LCP2: variants seen among roughly 807,000 people sequenced by gnomAD.
The protein encoded by LCP2 is lymphocyte cytosolic protein 2.
LCP2 carries 29 observed loss-of-function variants against 74.5 expected under a neutral mutation model. The ratio of observed to expected loss-of-function variants is 0.39; its 90% CI spans 0.29 to 0.53. The LOEUF (loss-of-function observed/expected upper bound fraction) is 0.53. Among genes scored for constraint, LCP2 ranks in the 20% least tolerant of loss-of-function variants. The probability of loss-of-function intolerance (pLI) is 0.72; values close to 1 mark genes in which losing one functional copy is unlikely to be tolerated. For synonymous variants in LCP2, 228 were observed against 229.5 expected (o/e 0.99, Z 0.06); for missense variants, 604 against 634.6 (o/e 0.95, Z 0.52).
chr5:170,294,538 A>G (rs986737442), intron 1 of LCP2, among the ~76,000 whole-genome samples: 9 of 152,180 alleles, frequency 5.9e-5, no homozygotes, highest in African/African-American at 2.2e-4. Context: ...TTCTTCTCAC[A>G]AGGGTGGGCC....
chr5:170,283,574 C>T (rs1004883188), intron 3 of LCP2, among the ~76,000 whole-genome samples: 4 of 152,198 alleles, frequency 2.6e-5, no homozygotes, highest in African/African-American at 9.7e-5. Flanking sequence ...TCCTCCAAAT[C>T]ATCACTTACA....
At chr5:170,282,525 G>A (rs1431989424) in intron 3 of LCP2, among the ~76,000 whole-genome samples, 1 of 152,158 alleles carries the variant, frequency 6.6e-6, no homozygotes, top group African/African-American at 2.4e-5. Context: ...GTCAGCTTTA[G>A]AGCCTGGATC....
rs200236227 is a variant in LCP2 at position 170,297,624 on chromosome 5, G to C, written c.-13C>G. 5.0e-6 allele frequency: 8 copies of C among 1,603,380 alleles called. No individual in the cohort carries two copies. The highest frequency in any genetic ancestry group is 6.0e-6 in the Non-Finnish European group (7 of 1,174,468). ...TCCTCAGTGCCATGGCTGCTCTCCC[G>C]GGAAGAAGCTCACAAGCTGAGCATG... is the stretch of plus-strand genomic sequence containing the variant. On this transcript the variant is annotated 5_prime_UTR_variant, in exon 1 of 21. Transcript: ENST00000046794.
intron 15 of LCP2, chr5:170,258,559 C>T (rs999035565): frequency 2.4e-5 from 9 of 368,790 alleles, no homozygotes; most frequent in Non-Finnish European, 2.9e-5. Flanking sequence ...ATTCTTTACC[C>T]ACGTGTGTTA....
At chr5:170,262,443 C>A (rs534631589) in intron 13 of LCP2, among the ~76,000 whole-genome samples, 192 bp downstream of exon 13, 21 of 152,326 alleles carry the variant, frequency 1.4e-4, no homozygotes, top group African/African-American at 5.1e-4. Context: ...CAGTAGAGTC[C>A]ATTTCCTTCA....
chr5:170,254,899 C>A (rs1245523328), intron 17 of LCP2, among the ~76,000 whole-genome samples: 3 of 152,182 alleles, frequency 2.0e-5, no homozygotes, highest in African/African-American at 7.2e-5. Flanking sequence ...TTGGAACAAC[C>A]AGTAGAACCA....
chr5:170,271,876 G>A (rs547302159), intron 6 of LCP2, among the ~76,000 whole-genome samples: 197 of 152,274 alleles, frequency 1.3e-3, no homozygotes, highest in African/African-American at 4.3e-3. Flanking sequence ...AGCTTTGGGT[G>A]GCCTCAGGCA....
chr5:170,292,010 T>C (rs1343017151), intron 2 of LCP2, among the ~76,000 whole-genome samples: 1 of 152,182 alleles, frequency 6.6e-6, no homozygotes, highest in South Asian at 2.1e-4. Context: ...GTATGTGACA[T>C]AGAACAAATC....
intron 7 of LCP2, 89 bp downstream of exon 7, chr5:170,270,630 G>T: frequency 8.3e-7 from 1 of 1,210,114 alleles, no homozygotes; most frequent in Non-Finnish European, 1.1e-6. Context: ...TCTGCTACAT[G>T]GGCAAGCTGG....
chr5:170,270,133 C>A (rs1223154862), intron 7 of LCP2, among the ~76,000 whole-genome samples: 1 of 152,202 alleles, frequency 6.6e-6, no homozygotes, highest in Non-Finnish European at 1.5e-5. Flanking sequence ...CTTTCCTGAT[C>A]ATTTCTAAGC....
chr5:170,250,166 G>A (rs1461631593), intron 20 of LCP2, among the ~76,000 whole-genome samples: 2 of 152,118 alleles, frequency 1.3e-5, no homozygotes, highest in Admixed American at 6.5e-5. Flanking sequence ...TTTCCTTTGC[G>A]AAAAACTAGC....
intron 10 of LCP2, among the ~76,000 whole-genome samples, chr5:170,265,899 A>G (rs890943637): frequency 6.6e-6 from 1 of 152,228 alleles, no homozygotes; most frequent in Admixed American, 6.5e-5. Flanking sequence ...GTTAAAACCC[A>G]GGGTCCTCAA....
At chr5:170,260,890 T>C (rs1245600548) in intron 14 of LCP2, among the ~76,000 whole-genome samples, 2 of 152,158 alleles carry the variant, frequency 1.3e-5, no homozygotes, top group African/African-American at 4.8e-5. Context: ...CTGGGAGCTC[T>C]TAGAGGGACA....
intron 17 of LCP2, among the ~76,000 whole-genome samples, chr5:170,254,107 T>C (rs575107152): frequency 6.6e-6 from 1 of 152,306 alleles, no homozygotes; most frequent in Admixed American, 6.5e-5. Flanking sequence ...AGGTATCGTG[T>C]GTACATTTTT....
chr5:170,267,283 A>G (rs936956535), intron 8 of LCP2: 1 of 601,054 alleles, frequency 1.7e-6, no homozygotes, highest in East Asian at 2.8e-5. Flanking sequence ...TTCTGCAGGC[A>G]GCAGAGTGAG....
chr5:170,257,815 C>G (rs1761582306), intron 16 of LCP2, among the ~76,000 whole-genome samples: 1 of 152,072 alleles, frequency 6.6e-6, no homozygotes, highest in South Asian at 2.1e-4. Flanking sequence ...AGGAGGAAGT[C>G]AATTCCTCAC....
intron 19 of LCP2, 60 bp downstream of exon 19, chr5:170,252,373 TC>T (rs1561965888): frequency 3.1e-6 from 3 of 953,428 alleles, no homozygotes; most frequent in Non-Finnish European, 5.0e-6. Context: ...TCAGGACAGG[TC>T]AGTTCCCTTC....
At position 170,248,627 on chromosome 5, in the gene LCP2, G is replaced by A; in HGVS notation, c.*70C>T. ...GTTCAGTCCTAAGTGTTTGTCCATT[G>A]ACCAAGGCTGATTGATCTCGTGTTG... On this transcript the variant is annotated 3_prime_UTR_variant, in exon 21 of 21. Coordinates refer to ENST00000046794, the MANE Select transcript of LCP2 (RefSeq NM_005565.5). The A allele has an allele frequency of 1.9e-6, 3 of 1,578,634 alleles. No individual in the cohort carries two copies. The highest frequency in any genetic ancestry group is 4.5e-5 in the East Asian group (2 of 44,170).
rs562567013 is a variant in LCP2, at chr5:170,267,082, A to G, written c.622-7T>C. 7.4e-6 allele frequency: 12 copies of G among 1,613,628 alleles called. No individual in the cohort carries two copies. In the Admixed American group the frequency reaches 1.8e-4, roughly 25 times the overall value. On this transcript the variant is annotated splice_region_variant and splice_polypyrimidine_tract_variant and intron_variant, in intron 8 of 20. Coordinates refer to ENST00000046794, the MANE Select transcript of LCP2 (RefSeq NM_005565.5). The stretch of plus-strand genomic sequence containing the variant: ...TCTGGGGTGGGGGCAGTGGCTGCAT[A>G]AAGATCCAAACGTTAGGAAGCACTT...
Sources: gnomAD v4.1 joint callset for allele counts (sites outside exome capture counted in the v4.1 genomes callset) on GRCh38, gnomAD v4.1.1 for gene constraint, MANE v1.5 for transcripts, NCBI Gene and HGNC (gene_info 2026-07-23, HGNC 2026-07-21) for gene names.